KIF26B: variants seen among roughly 807,000 people sequenced by gnomAD.
KIF26B encodes kinesin-like protein KIF26B.
A neutral mutation model predicts 151.2 loss-of-function variants in KIF26B; 63 were observed. The ratio of observed to expected loss-of-function variants is 0.42; its 90% CI spans 0.34 to 0.51. The LOEUF (loss-of-function observed/expected upper bound fraction) is 0.51. Ranked by LOEUF, KIF26B falls within the 20% of genes least tolerant of loss-of-function variation. The pLI is 0.07. For synonymous variants in KIF26B, 1,357 were observed against 1,262.1 expected, an observed-to-expected ratio of 1.08 and a Z score of -1.59; for missense variants, 2,813 against 2,913.6, an observed-to-expected ratio of 0.97 and a Z score of 0.79.
At chr1:245,356,525 C>G (rs575663692) in intron 2 of KIF26B, among the ~76,000 whole-genome samples, 10 of 152,084 alleles carry the variant, frequency 6.6e-5, no homozygotes, top group African/African-American at 2.2e-4. Flanking sequence ...CCATTGTACT[C>G]CAGCCTGGGT....
intron 2 of KIF26B, among the ~76,000 whole-genome samples, chr1:245,276,286 G>A (rs979175569): frequency 1.3e-5 from 2 of 151,944 alleles, no homozygotes; most frequent in South Asian, 4.2e-4. Flanking sequence ...AGTGAGTTGA[G>A]ATTGCACCCC....
chr1:245,219,921 C>T (rs1041268024), intron 2 of KIF26B, among the ~76,000 whole-genome samples: 1 of 151,886 alleles, frequency 6.6e-6, no homozygotes, highest in Non-Finnish European at 1.5e-5. Flanking sequence ...CCTCAAAAGA[C>T]TATGGGGGTT....
In KIF26B at chr1:245,218,406, G is replaced by C. The variant is rs1669693113; in HGVS notation, c.465+61723G>C. Among the ~76,000 whole-genome samples the C allele has an allele frequency of 6.6e-6, 1 of 152,228 alleles. No individual in the cohort carries two copies. Among genetic ancestry groups the C allele is most frequent in the African/African-American group, 2.4e-5 (1 of 41,450 alleles). ...AAAAGCAGAAGGGAACTCTATGGCTGTCTTTCTTCTCCCTGTTTACCTGTC... is the reference window on the plus strand; with the variant it reads ...AAAAGCAGAAGGGAACTCTATGGCTCTCTTTCTTCTCCCTGTTTACCTGTC... On this transcript the variant is annotated intron_variant, in intron 2 of 14. Coordinates refer to ENST00000407071, the MANE Select transcript of KIF26B (RefSeq NM_018012.4). The surrounding 1 kb of genome is among the most constrained non-coding windows in gnomAD (Gnocchi z 4.1).
rs1447162417 is a variant in KIF26B at position 245,705,043 on chromosome 1, C to T, written c.*2437C>T. Reference sequence around the variant, plus strand: ...GCCTGGTGCCCTTCCTGGACTGAAACCGATGGAATCCTTCCGAGGGGAGTG... The same window carrying T: ...GCCTGGTGCCCTTCCTGGACTGAAATCGATGGAATCCTTCCGAGGGGAGTG... On this transcript the variant is annotated 3_prime_UTR_variant, in exon 15 of 15. Coordinates refer to ENST00000407071, the MANE Select transcript of KIF26B (RefSeq NM_018012.4). 1 of 152,352 alleles carries T rather than the reference C, an allele frequency of 6.6e-6. No individual in the cohort carries two copies. The highest frequency in any genetic ancestry group is 1.9e-4 in the East Asian group (1 of 5,188). 9.4% of individuals were successfully genotyped at this position (152,352 alleles called of 1,614,324 possible).
chr1:245,216,674 G>A (rs768890532), intron 2 of KIF26B, among the ~76,000 whole-genome samples: 1 of 152,124 alleles, frequency 6.6e-6, no homozygotes, highest in Non-Finnish European at 1.5e-5. Flanking sequence ...AGAAGAGCTC[G>A]TTTAGTCAGA....
In KIF26B at chr1:245,243,781, G is replaced by A. The variant is rs1319029192; in HGVS notation, c.465+87098G>A. ...CAGGAGAATCGCTTGAACCTGGGAG[G>A]TGGAGGTTGCAGTGGGCCGAGATCA... On this transcript the variant is annotated intron_variant, in intron 2 of 14. Transcript: ENST00000407071. Among the ~76,000 whole-genome samples the A allele has an allele frequency of 2.0e-5, 3 of 152,186 alleles. No homozygotes were observed. In the East Asian group the frequency reaches 5.8e-4, roughly 29 times the overall value.
intron 7 of KIF26B, 41 bp from the exon 8 acceptor site, chr1:245,609,225 G>A: frequency 6.5e-7 from 1 of 1,546,390 alleles, no homozygotes; most frequent in Non-Finnish European, 8.8e-7. Flanking sequence ...AATGATGCCT[G>A]GACACTGAAC....
chr1:245,573,295 G>A (rs908351059), intron 5 of KIF26B, among the ~76,000 whole-genome samples: 9 of 152,174 alleles, frequency 5.9e-5, no homozygotes, highest in African/African-American at 1.9e-4. Context: ...AGGCCAACGC[G>A]GGTGGATCAC....
intron 10 of KIF26B, among the ~76,000 whole-genome samples, chr1:245,649,689 C>A (rs1007823231): frequency 1.6e-4 from 25 of 152,120 alleles, no homozygotes; most frequent in Middle Eastern, 3.4e-3. Flanking sequence ...CCCACCCCCC[C>A]CAAAAAACAC....
intron 2 of KIF26B, among the ~76,000 whole-genome samples, chr1:245,326,217 A>C (rs1305250715): frequency 6.6e-6 from 1 of 152,216 alleles, no homozygotes; most frequent in African/African-American, 2.4e-5. Flanking sequence ...CAAAGGCCTC[A>C]AGCAGCCACA....
At chr1:245,245,410 T>C (rs1422095256) in intron 2 of KIF26B, among the ~76,000 whole-genome samples, 1 of 152,178 alleles carries the variant, frequency 6.6e-6, no homozygotes, top group Non-Finnish European at 1.5e-5. Flanking sequence ...CAGATTTCAG[T>C]TTCCTGGAAC....
chr1:245,252,902 A>G (rs1670469366), intron 2 of KIF26B, among the ~76,000 whole-genome samples: 2 of 152,162 alleles, frequency 1.3e-5, no homozygotes, highest in Non-Finnish European at 2.9e-5. Flanking sequence ...TATCAAGGTC[A>G]GGAAATTTTT....
intron 4 of KIF26B, among the ~76,000 whole-genome samples, chr1:245,500,734 C>T (rs980725190): frequency 6.6e-6 from 1 of 152,234 alleles, no homozygotes; most frequent in Non-Finnish European, 1.5e-5. Context: ...ACAGCTGAAT[C>T]AGAGGAGGAA....
At chr1:245,661,602 C>T (rs1432737297) in intron 10 of KIF26B, among the ~76,000 whole-genome samples, 1 of 150,746 alleles carries the variant, frequency 6.6e-6, no homozygotes, top group African/African-American at 2.4e-5. Context: ...TATATACACC[C>T]AATGATATAT....
At chr1:245,303,207 T>TATTCGCACAATCTTAGCAGAATTAA (rs1241957319) in intron 2 of KIF26B, among the ~76,000 whole-genome samples, 20 of 145,084 alleles carry the variant, frequency 1.4e-4, no homozygotes, top group African/African-American at 4.9e-4. Context: ...CTTTTTTTTT[T>TATTCGCACAATCTTAGCAGAATTAA]TTTTTTTTTG....
chr1:245,155,402 T>C lies in KIF26B; in HGVS notation c.-23T>C, dbSNP rs1034496862. On this transcript the variant is annotated 5_prime_UTR_variant, in exon 1 of 15. Coordinates refer to ENST00000407071, the MANE Select transcript of KIF26B (RefSeq NM_018012.4). ...ATGTAGCGTCGGTGGAACCTTTAGA[T>C]ACTCTCCTCTGGAAAAGCCACCATG... is the stretch of plus-strand genomic sequence containing the variant. The C allele has an allele frequency of 2.5e-6, 4 of 1,597,866 alleles. No individual in the cohort carries two copies. The African/African-American group carries it at 4.0e-5, about 16-fold the overall frequency.
intron 5 of KIF26B, among the ~76,000 whole-genome samples, chr1:245,568,614 G>T (rs990835235): frequency 3.9e-5 from 6 of 152,214 alleles, no homozygotes; most frequent in Admixed American, 6.5e-5. Flanking sequence ...GGAGCTAGCG[G>T]TTTATTGCTG....
chr1:245,408,349 CTT>C (rs58724712), intron 3 of KIF26B, among the ~76,000 whole-genome samples: 6,744 of 113,216 alleles, frequency 0.06, 232 homozygotes, highest in Middle Eastern at 0.12. Flanking sequence ...TTAAATGATT[CTT>C]TTTTTTTTTT....
chr1:245,270,200 CCTTCCCTTTCTT>C (rs1670828084), intron 2 of KIF26B, among the ~76,000 whole-genome samples: 1 of 116,812 alleles, frequency 8.6e-6, no homozygotes, highest in Non-Finnish European at 1.8e-5. Flanking sequence ...TCTTCTTTTC[CCTTCCCTTTCTT>C]CTTCCCTTCC....
Sources: allele counts gnomAD v4.1 joint callset (sites outside exome capture counted in the v4.1 genomes callset), GRCh38; gene constraint gnomAD v4.1.1; non-coding constraint Gnocchi (gnomAD v3.1); transcripts MANE v1.5; gene names NCBI Gene and HGNC (gene_info 2026-07-23, HGNC 2026-07-21).